The following PLCZ1 variants were observed in gnomAD, a reference collection of about 807,000 sequenced individuals.
The protein encoded by PLCZ1 is phospholipase C zeta 1, also known as 1-phosphatidylinositol 4,5-bisphosphate phosphodiesterase zeta-1.
A neutral mutation model predicts 76.8 loss-of-function variants in PLCZ1; 64 were observed. The observed-to-expected ratio is 0.83, with a 90% CI of 0.68 to 1.03. PLCZ1 has a LOEUF of 1.03. Ranked by LOEUF, PLCZ1 falls within the 50% of genes least tolerant of loss-of-function variation. PLCZ1 has a pLI of 0.00. For synonymous variants in PLCZ1, 248 were observed against 230.8 expected, an observed-to-expected ratio of 1.07 and a Z score of -0.68; for missense variants, 751 against 713.7, an observed-to-expected ratio of 1.05 and a Z score of -0.60.
At chr12:18,694,701 C>T (rs1047244104) in intron 12 of PLCZ1, among the ~76,000 whole-genome samples, 7 of 152,078 alleles carry the variant, frequency 4.6e-5, no homozygotes, top group South Asian at 2.1e-4. Context: ...TGTCAATTCA[C>T]AGGCAGATAA....
chr12:18,653,013 C>G, the PLCZ1 span, among the ~76,000 whole-genome samples: 2 of 152,148 alleles, frequency 1.3e-5, no homozygotes, highest in South Asian at 4.2e-4. Flanking sequence ...CACACAGTCA[C>G]CCCCTCAAAC....
chr12:18,661,526 G>T, the PLCZ1 span, among the ~76,000 whole-genome samples: 1 of 152,024 alleles, frequency 6.6e-6, no homozygotes, highest in Non-Finnish European at 1.5e-5. Flanking sequence ...TCATAAATAA[G>T]GGATAAACAA....
At chr12:18,688,488 T>C (rs1429732312) in intron 12 of PLCZ1, among the ~76,000 whole-genome samples, 1 of 152,018 alleles carries the variant, frequency 6.6e-6, no homozygotes, top group Non-Finnish European at 1.5e-5. Context: ...TTTAAAATCA[T>C]TTGTTATGAT....
At chr12:18,724,652 C>T (rs914988711) in intron 3 of PLCZ1, among the ~76,000 whole-genome samples, 2 of 151,974 alleles carry the variant, frequency 1.3e-5, no homozygotes, top group African/African-American at 4.8e-5. Context: ...GCGTATTGTT[C>T]ATTACCTTAC....
chr12:18,698,859 T>C (rs1176480028), intron 10 of PLCZ1, among the ~76,000 whole-genome samples: 2 of 152,170 alleles, frequency 1.3e-5, no homozygotes, highest in Non-Finnish European at 2.9e-5. Context: ...CACTATCAAA[T>C]ACTATGTCTT....
chr12:18,732,014 G>C (rs144883893), intron 3 of PLCZ1, among the ~76,000 whole-genome samples: 186 of 152,020 alleles, frequency 1.2e-3, no homozygotes, highest in Non-Finnish European at 2.0e-3. Flanking sequence ...CATTTATTGA[G>C]GTATAATTGA....
At chr12:18,710,801 C>T (rs1290526023) in intron 6 of PLCZ1, among the ~76,000 whole-genome samples, 2 of 152,016 alleles carry the variant, frequency 1.3e-5, no homozygotes, top group Non-Finnish European at 1.5e-5. Context: ...CATCACTGGC[C>T]GTCAGAGAAA....
intron 6 of PLCZ1, among the ~76,000 whole-genome samples, chr12:18,711,765 C>A (rs1957375162): frequency 6.6e-6 from 1 of 151,746 alleles, no homozygotes; most frequent in African/African-American, 2.4e-5. Flanking sequence ...CTATTCATAT[C>A]CAAGTGGTAA....
chr12:18,668,727 T>A, the PLCZ1 span, among the ~76,000 whole-genome samples: 1 of 152,248 alleles, frequency 6.6e-6, no homozygotes, highest in East Asian at 1.9e-4. Context: ...ACTCTCTGGG[T>A]AGAAGTGCTC....
intron 4 of PLCZ1, among the ~76,000 whole-genome samples, chr12:18,722,601 T>A (rs903965972): frequency 6.6e-6 from 1 of 152,078 alleles, no homozygotes; most frequent in African/African-American, 2.4e-5. Context: ...TGGTACCATA[T>A]ATGATTATTT....
intron 1 of PLCZ1, 28 bp from the exon 2 acceptor site, chr12:18,737,537 GGT>G: frequency 1.2e-6 from 1 of 844,294 alleles, no homozygotes; most frequent in East Asian, 3.0e-5. Flanking sequence ...AACACACAGT[GGT>G]TTTTTTTGCC....
At chr12:18,693,938 G>C (rs1954547066) in intron 12 of PLCZ1, 4 of 1,522,798 alleles carry the variant, frequency 2.6e-6, no homozygotes, top group Non-Finnish European at 3.6e-6. Flanking sequence ...CATGGCTAAA[G>C]ATGACCTCTC....
At chr12:18,658,151 G>A in the PLCZ1 span, among the ~76,000 whole-genome samples, 1 of 151,938 alleles carries the variant, frequency 6.6e-6, no homozygotes, top group East Asian at 1.9e-4. Flanking sequence ...CTAATCTGAG[G>A]AACAAAAGGA....
chr12:18,645,993 G>C, the PLCZ1 span, among the ~76,000 whole-genome samples: 1 of 152,064 alleles, frequency 6.6e-6, no homozygotes, highest in Non-Finnish European at 1.5e-5. Context: ...GAATAGTTCA[G>C]ACAGCTCAAA....
chr12:18,677,281 G>A, the PLCZ1 span, among the ~76,000 whole-genome samples: 1,761 of 152,174 alleles, frequency 0.012, 13 homozygotes, highest in Non-Finnish European at 0.02. Context: ...GAAAGATGGC[G>A]AGCAAGACAG....
At chr12:18,689,030 T>G (rs1735423585) in intron 12 of PLCZ1, among the ~76,000 whole-genome samples, 1 of 152,044 alleles carries the variant, frequency 6.6e-6, no homozygotes, top group African/African-American at 2.4e-5. Context: ...AACACTAATG[T>G]GTGATTTTTC....
chr12:18,684,013 A>C (rs1039771096), intron 14 of PLCZ1, 117 bp downstream of exon 14: 21 of 1,241,590 alleles, frequency 1.7e-5, no homozygotes, highest in Non-Finnish European at 2.3e-5. Context: ...TCAATACATA[A>C]AATTTCCTTT....
At chr12:18,688,337 C>T (rs2061482227) in intron 12 of PLCZ1, 119 bp from the exon 13 acceptor site, 4 of 1,029,522 alleles carry the variant, frequency 3.9e-6, no homozygotes, top group African/African-American at 1.6e-5. Flanking sequence ...CTCCCACAAA[C>T]ATTGAAAGTG....
the PLCZ1 span, among the ~76,000 whole-genome samples, chr12:18,664,562 T>G: frequency 1.3e-5 from 2 of 152,226 alleles, no homozygotes; most frequent in African/African-American, 2.4e-5. Context: ...ATACTTAAAG[T>G]GTTCAAAATC....
Sources: allele counts gnomAD v4.1 joint callset (sites outside exome capture counted in the v4.1 genomes callset), GRCh38; gene constraint gnomAD v4.1.1; transcripts MANE v1.5; gene names NCBI Gene and HGNC (gene_info 2026-07-23, HGNC 2026-07-21).